Variants in IER5L observed in about 807,000 individuals in gnomAD.
IER5L encodes immediate early response 5 like.
Under a neutral mutation model 28.3 loss-of-function variants are expected in IER5L, and 6 were observed. That is an observed-to-expected ratio of 0.21 (90% CI 0.12 to 0.42). IER5L has a LOEUF of 0.42. Among genes scored for constraint, IER5L ranks in the 10% least tolerant of loss-of-function variants. IER5L has a pLI of 1.00. For synonymous variants in IER5L, 351 were observed against 282.5 expected (o/e 1.24, Z -2.43); for missense variants, 607 against 575.2 (o/e 1.06, Z -0.56).
Position 129,178,211 on chromosome 9 carries a change from C to A in IER5L, c.-159G>T, listed in dbSNP as rs1829445467. The A allele has an allele frequency of 7.3e-6, 4 of 547,496 alleles. No homozygotes were observed. In the South Asian group the frequency reaches 2.3e-4, roughly 31 times the overall value. 33.9% of individuals were successfully genotyped at this position (547,496 alleles called of 1,614,324 possible). ...TCCGAAAGGAGCCGCCACCATGCGC[C>A]GCGCGCCACCCGCGGGCTCGCGCTC... On this transcript the variant is annotated 5_prime_UTR_variant, in exon 1 of 1. Transcript: ENST00000372491.
rs1829438434 is a variant in IER5L at position 129,177,843 on chromosome 9, G to A, written c.210C>T (p.His70=). 1 of 1,538,796 alleles carries A rather than the reference G, an allele frequency of 6.5e-7. No individual in the cohort carries two copies. Among genetic ancestry groups the A allele is most frequent in the Non-Finnish European group, 8.7e-7 (1 of 1,143,490 alleles). The change falls in exon 1 of 1, where the codon CAC becomes CAT. Residue 70 remains histidine, a synonymous_variant. Transcript: ENST00000372491. ...CCGCGTACGCTAGGTGCTGGTGCTG[G>A]TGGTGGGGCGGCTGCTGCTGTTGCT... ...QQQQQQQPPH[H]QHQHLAYAAP...
rs1829429060 is a variant in IER5L at position 129,177,424 on chromosome 9, G to A, written c.629C>T (p.Ala210Val). 1 of 1,213,326 alleles carries A rather than the reference G, an allele frequency of 8.2e-7. No homozygotes were observed. Among genetic ancestry groups the A allele is most frequent in the Non-Finnish European group, 1.0e-6 (1 of 976,824 alleles). The allele number at this position is 1,213,326 out of a possible 1,614,324, so 75.2% of individuals were successfully genotyped here. ...GGCCGGAGGGGCGGCCCCTGGGGGC[G>A]CGGAGCAGGCGGCCGGGGCGCGAGG... ...RDPRAPAACS[A>V]PPGAAPPAAA... Residue 210 changes from alanine to valine, a missense_variant, in exon 1 of 1, where the codon GCG becomes GTG. Physicochemically the swap from Ala to Val is moderately conservative, Grantham distance 64. Coordinates refer to ENST00000372491, the MANE Select transcript of IER5L (RefSeq NM_203434.3).
Position 129,177,384 on chromosome 9 carries a change from C to T in IER5L, c.669G>A (p.Pro223=). 2 of 1,274,068 alleles carry T rather than the reference C, an allele frequency of 1.6e-6. No individual in the cohort carries two copies. The highest frequency in any genetic ancestry group is 3.3e-5 in the South Asian group (1 of 30,174). The allele number at this position is 1,274,068 out of a possible 1,614,324, so 78.9% of individuals were successfully genotyped here. ...GAAPPAAAAS[P]PASPAPASSP... ...AGGAGGCGGGGGCCGGGGAGGCGGG[C>T]GGAGAAGCGGCGGCGGCCGGAGGGG... The change falls in exon 1 of 1, where the codon CCG becomes CCA. Residue 223 remains proline (P), a synonymous_variant. Transcript: ENST00000372491.
In IER5L at chr9:129,177,298, C is replaced by G. The variant is rs1363713780; in HGVS notation, c.755G>C (p.Ser252Thr). The change falls in exon 1 of 1, where the codon AGC becomes ACC. Residue 252 changes from serine to threonine, a missense_variant. Coordinates refer to ENST00000372491, the MANE Select transcript of IER5L (RefSeq NM_203434.3). Reference sequence around the variant, plus strand: ...GTCTAGGTCCAGCACGGTGGTCTGGCTGCTGCAGTGCAAGCCGAAGTCCGA... The same window carrying G: ...GTCTAGGTCCAGCACGGTGGTCTGGGTGCTGCAGTGCAAGCCGAAGTCCGA... The part of the protein sequence containing the change: ...TPSDFGLHCS[S>T]QTTVLDLDTH... 1.4e-6 allele frequency: 2 copies of G among 1,450,218 alleles called. No homozygotes were observed. Among genetic ancestry groups the G allele is most frequent in the Non-Finnish European group, 1.8e-6 (2 of 1,108,022 alleles). 89.8% of individuals were successfully genotyped at this position (1,450,218 alleles called of 1,614,324 possible).
At position 129,176,786 on chromosome 9, in the gene IER5L, TTGTC is replaced by T. The variant is rs1012205589; in HGVS notation, c.*48_*51del. 1.1e-4 allele frequency: 155 copies of T among 1,439,254 alleles called. No individual in the cohort carries two copies. Among genetic ancestry groups the T allele is most frequent in the African/African-American group, 2.9e-4 (19 of 66,480 alleles). The allele number at this position is 1,439,254 out of a possible 1,614,324, so 89.2% of individuals were successfully genotyped here. A position where few individuals can be genotyped will look rare whatever the true frequency, so the allele number is the denominator to read the frequency against. On this transcript the variant is annotated 3_prime_UTR_variant, in exon 1 of 1. Transcript: ENST00000372491. ...CTCCTCTCGCCCCTTTGCCGAGTCT[TTGTC>T]TGGCCCCAGCCCCGCGGGGCCCCGG...
chr9:129,177,605 C>G lies in IER5L; in HGVS notation c.448G>C (p.Ala150Pro). The G allele has an allele frequency of 2.9e-6, 3 of 1,038,314 alleles. No individual in the cohort carries two copies. Among genetic ancestry groups the G allele is most frequent in the Non-Finnish European group, 3.4e-6 (3 of 871,358 alleles). The allele number at this position is 1,038,314 out of a possible 1,614,324, so 64.3% of individuals were successfully genotyped here. A position where few individuals can be genotyped will look rare whatever the true frequency, so the allele number is the denominator to read the frequency against. ...AAAAGAPAGGAGALSELPGCA... is the reference protein window; with the variant it reads ...AAAAGAPAGGPGALSELPGCA... ...CCGGGCAGCTCCGAGAGCGCCCCCGCGCCGCCCGCGGGCGCTCCGGCCGCC... is the reference window on the plus strand; with the variant it reads ...CCGGGCAGCTCCGAGAGCGCCCCCGGGCCGCCCGCGGGCGCTCCGGCCGCC... Residue 150 changes from alanine to proline, a missense_variant, in exon 1 of 1, where the codon GCG (alanine) becomes CCG (proline). By Grantham distance (27) the Ala-to-Pro change is conservative (BLOSUM62 -1). Transcript: ENST00000372491.
chr9:129,178,201 C>T lies in IER5L; in HGVS notation c.-149G>A, dbSNP rs1829445251. 2 of 606,110 alleles carry T rather than the reference C, an allele frequency of 3.3e-6. No individual in the cohort carries two copies. Among genetic ancestry groups the T allele is most frequent in the Non-Finnish European group, 4.9e-6 (2 of 406,118 alleles). The allele number at this position is 606,110 out of a possible 1,614,324, so 37.5% of individuals were successfully genotyped here. A position where few individuals can be genotyped will look rare whatever the true frequency, so the allele number is the denominator to read the frequency against. On this transcript the variant is annotated 5_prime_UTR_variant, in exon 1 of 1. Transcript: ENST00000372491. The stretch of plus-strand genomic sequence containing the variant: ...TCGGCTGCGCTCCGAAAGGAGCCGC[C>T]ACCATGCGCCGCGCGCCACCCGCGG...
rs2131662440 is a variant in IER5L, at chr9:129,177,165, G to A, written c.888C>T (p.Ser296=). Residue 296 remains serine (S), a synonymous_variant, in exon 1 of 1, where the codon TCC becomes TCT. Coordinates refer to ENST00000372491, the MANE Select transcript of IER5L (RefSeq NM_203434.3). ...GQGAPGPGLA[S]AAGCKRKYYP... ...AATACTTGCGCTTGCAGCCGGCGGCGGACGCCAGGCCCGGTCCCGGAGCGC... is the reference window on the plus strand; with the variant it reads ...AATACTTGCGCTTGCAGCCGGCGGCAGACGCCAGGCCCGGTCCCGGAGCGC... The A allele has an allele frequency of 6.8e-7, 1 of 1,477,148 alleles. No homozygotes were observed. The highest frequency in any genetic ancestry group is 8.9e-7 in the Non-Finnish European group (1 of 1,118,072). The allele number at this position is 1,477,148 out of a possible 1,614,324, so 91.5% of individuals were successfully genotyped here.
Position 129,176,978 on chromosome 9 carries a change from T to C in IER5L, c.1075A>G (p.Ile359Val), listed in dbSNP as rs372136114. 9.4e-6 allele frequency: 15 copies of C among 1,601,626 alleles called. No individual in the cohort carries two copies. Among genetic ancestry groups the C allele is most frequent in the South Asian group, 1.1e-5 (1 of 89,680 alleles). Reference protein sequence around the residue: ...DASNISNLISIFGSGFSGLVS... With the variant: ...DASNISNLISVFGSGFSGLVS... Reference sequence around the variant, plus strand: ...AGCCCCGAGAAGCCGGAGCCAAAGATGGAGATCAAGTTTGAGATGTTGGAC... The same window carrying C: ...AGCCCCGAGAAGCCGGAGCCAAAGACGGAGATCAAGTTTGAGATGTTGGAC... The change falls in exon 1 of 1, where the codon ATC becomes GTC. Residue 359 changes from isoleucine (I) to valine (V), a missense_variant. Physicochemically the swap from Ile to Val is conservative, Grantham distance 29. Transcript: ENST00000372491.
chr9:129,177,416 C>T lies in IER5L; in HGVS notation c.637G>A (p.Gly213Arg). The T allele has an allele frequency of 8.2e-7, 1 of 1,225,958 alleles. No individual in the cohort carries two copies. Among genetic ancestry groups the T allele is most frequent in the Non-Finnish European group, 1.0e-6 (1 of 984,852 alleles). 75.9% of individuals were successfully genotyped at this position (1,225,958 alleles called of 1,614,324 possible). The change falls in exon 1 of 1, where the codon GGG becomes AGG. Residue 213 changes from glycine (G) to arginine (R), a missense_variant. Coordinates refer to ENST00000372491, the MANE Select transcript of IER5L (RefSeq NM_203434.3). ...GCGGCGGCGGCCGGAGGGGCGGCCC[C>T]TGGGGGCGCGGAGCAGGCGGCCGGG... is the stretch of plus-strand genomic sequence containing the variant. ...RAPAACSAPP[G>R]AAPPAAAASP...
Position 129,176,642 on chromosome 9 carries a change from A to G in IER5L, c.*196T>C. The G allele has an allele frequency of 2.6e-6, 2 of 760,566 alleles. No individual in the cohort carries two copies. The highest frequency in any genetic ancestry group is 1.8e-5 in the African/African-American group (1 of 54,498). The allele number at this position is 760,566 out of a possible 1,614,324, so 47.1% of individuals were successfully genotyped here. A position where few individuals can be genotyped will look rare whatever the true frequency, so the allele number is the denominator to read the frequency against. ...TAAATAGGCGCTTTTTCTCTCTGCA[A>G]AAATAAAGTCCAAGATTTTAGATTT... On this transcript the variant is annotated 3_prime_UTR_variant, in exon 1 of 1. Transcript: ENST00000372491.
In IER5L at chr9:129,177,018, G is replaced by C; in HGVS notation, c.1035C>G (p.Asp345Glu). 1 of 1,591,440 alleles carries C rather than the reference G, an allele frequency of 6.3e-7. No homozygotes were observed. The highest frequency in any genetic ancestry group is 8.5e-7 in the Non-Finnish European group (1 of 1,170,640). The change falls in exon 1 of 1, where the codon GAC (aspartate) becomes GAG (glutamate). Residue 345 changes from aspartate to glutamate, a missense_variant. Transcript: ENST00000372491. ...KRARFEDFCP[D>E]SSPDASNISN... ...AGATGTTGGACGCGTCCGGGGACGA[G>C]TCCGGGCAGAAGTCCTCGAAGCGGG...
Position 129,177,714 on chromosome 9 carries a change from C to A in IER5L, c.339G>T (p.Gln113His). ...GGTGCAGCTGGTGGAGCTGGTGGAG[C>A]TGGTGCAGCTGGTGCCGGGCGGCCG... ...REPAARHQLH[Q>H]LHQLHQLHLQ... Residue 113 changes from glutamine (Q) to histidine (H), a missense_variant, in exon 1 of 1, where the codon CAG becomes CAT. By Grantham distance (24) the Gln-to-His change is conservative. Coordinates refer to ENST00000372491, the MANE Select transcript of IER5L (RefSeq NM_203434.3). The A allele has an allele frequency of 4.2e-6, 6 of 1,436,712 alleles. No homozygotes were observed. The highest frequency in any genetic ancestry group is 5.5e-6 in the Non-Finnish European group (6 of 1,099,122). The allele number at this position is 1,436,712 out of a possible 1,614,324, so 89.0% of individuals were successfully genotyped here.
chr9:129,177,975 G>A lies in IER5L; in HGVS notation c.78C>T (p.Gly26=). 6.3e-7 allele frequency: 1 copy of A among 1,584,520 alleles called. No homozygotes were observed. The highest frequency in any genetic ancestry group is 1.1e-5 in the South Asian group (1 of 86,974). ...RKIHSSRTQR[G]GIKLHKNLLV... is the part of the protein sequence containing the mutation. ...GGAGGTTCTTGTGCAGCTTGATGCC[G>A]CCGCGCTGGGTTCGGGAGCTGTGGA... Residue 26 remains glycine (G), a synonymous_variant, in exon 1 of 1, where the codon GGC becomes GGT. Coordinates refer to ENST00000372491, the MANE Select transcript of IER5L (RefSeq NM_203434.3).
In IER5L at chr9:129,176,706, C is replaced by T; in HGVS notation, c.*132G>A. The stretch of plus-strand genomic sequence containing the variant: ...TTTACAATTTATAAAACATCAGCCG[C>T]CTGCCCCCGCTCGCCCCCAGCTCAG... On this transcript the variant is annotated 3_prime_UTR_variant, in exon 1 of 1. Transcript: ENST00000372491. The T allele has an allele frequency of 8.9e-7, 1 of 1,123,804 alleles. No individual in the cohort carries two copies. Among genetic ancestry groups the T allele is most frequent in the Non-Finnish European group, 1.2e-6 (1 of 857,526 alleles). 69.6% of individuals were successfully genotyped at this position (1,123,804 alleles called of 1,614,324 possible). A position where few individuals can be genotyped will look rare whatever the true frequency, so the allele number is the denominator to read the frequency against.
In IER5L at chr9:129,176,966, C is replaced by T. The variant is rs752259268; in HGVS notation, c.1087G>A (p.Gly363Ser). The change falls in exon 1 of 1, where the codon GGC becomes AGC. Residue 363 changes from glycine to serine, a missense_variant. Gly to Ser is a moderately conservative substitution (Grantham distance 56, BLOSUM62 0). Coordinates refer to ENST00000372491, the MANE Select transcript of IER5L (RefSeq NM_203434.3). Reference protein sequence around the residue: ...ISNLISIFGSGFSGLVSRQPD... With the variant: ...ISNLISIFGSSFSGLVSRQPD... ...TGTCGGCTCACCAGCCCCGAGAAGC[C>T]GGAGCCAAAGATGGAGATCAAGTTT... 1.2e-6 allele frequency: 2 copies of T among 1,603,522 alleles called. No individual in the cohort carries two copies. The highest frequency in any genetic ancestry group is 1.7e-6 in the Non-Finnish European group (2 of 1,176,378).
rs890059159 is a variant in IER5L at position 129,177,900 on chromosome 9, G to A, written c.153C>T (p.Arg51=). The change falls in exon 1 of 1, where the codon CGC becomes CGT. Residue 51 remains arginine, a synonymous_variant. Coordinates refer to ENST00000372491, the MANE Select transcript of IER5L (RefSeq NM_203434.3). ...RNARQLYLSE[R]YAELYRRQQQ... is the part of the protein sequence containing the mutation. ...GCTGGCGCCGGTAGAGCTCGGCGTA[G>A]CGCTCGCTCAGGTAGAGCTGGCGCG... The A allele has an allele frequency of 1.1e-5, 17 of 1,552,850 alleles. No homozygotes were observed. Among genetic ancestry groups the A allele is most frequent in the African/African-American group, 2.8e-5 (2 of 72,592 alleles).
rs1421675050 is a variant in IER5L, at chr9:129,176,068, C to G, written c.*770G>C. The G allele has an allele frequency of 4.8e-4, 2 of 4,190 alleles. No homozygotes were observed. Among genetic ancestry groups the G allele is most frequent in the Non-Finnish European group, 1.4e-3 (2 of 1,410 alleles). 0.3% of individuals were successfully genotyped at this position (4,190 alleles called of 1,614,324 possible). A position where few individuals can be genotyped will look rare whatever the true frequency, so the allele number is the denominator to read the frequency against. ...AATGTAGTCCGCCGTGCCCGCCCCC[C>G]ACCCCTTACCCAGTGTCCGAGAGTG... On this transcript the variant is annotated 3_prime_UTR_variant, in exon 1 of 1. Transcript: ENST00000372491.
rs779367239 is a variant in IER5L, at chr9:129,177,961, T to C, written c.92A>G (p.His31Arg). The C allele has an allele frequency of 3.1e-6, 5 of 1,591,222 alleles. No homozygotes were observed. Among genetic ancestry groups the C allele is most frequent in the Admixed American group, 3.5e-5 (2 of 57,552 alleles). The stretch of plus-strand genomic sequence containing the variant: ...CACGTAGGACACCAGGAGGTTCTTG[T>C]GCAGCTTGATGCCGCCGCGCTGGGT... ...SRTQRGGIKL[H>R]KNLLVSYVLR... is the part of the protein sequence containing the mutation. Residue 31 changes from histidine to arginine, a missense_variant, in exon 1 of 1, where the codon CAC (histidine) becomes CGC (arginine). Transcript: ENST00000372491.
Sources: gnomAD v4.1 joint callset for allele counts on GRCh38, gnomAD v4.1.1 for gene constraint, MANE v1.5 for transcripts, NCBI Gene and HGNC (gene_info 2026-07-23, HGNC 2026-07-21) for gene names.